The following IQSEC1 variants were observed in gnomAD, a reference collection of about 807,000 sequenced individuals.
IQSEC1 encodes IQ motif and Sec7 domain ArfGEF 1.
A neutral mutation model predicts 91.0 loss-of-function variants in IQSEC1; 31 were observed. That is an observed-to-expected ratio of 0.34 (90% confidence interval 0.26 to 0.46). The LOEUF is 0.46. Ranked by LOEUF, IQSEC1 falls within the 20% of genes least tolerant of loss-of-function variation. The pLI is 1.00. For synonymous variants in IQSEC1, 699 were observed against 662.6 expected, an observed-to-expected ratio of 1.05 and a Z score of -0.84; for missense variants, 1,388 against 1,575.6, an observed-to-expected ratio of 0.88 and a Z score of 2.02.
chr3:13,073,613 C>T (rs760398719), upstream of IQSEC1, among the ~76,000 whole-genome samples: 137 of 152,250 alleles, frequency 9.0e-4, no homozygotes, highest in Non-Finnish European at 1.7e-3. Context: ...GCGCCGGCCC[C>T]TTCCTGGCCC....
At chr3:13,097,948 T>G (rs1050468071) in intron 2 of IQSEC1, among the ~76,000 whole-genome samples, 2 of 152,232 alleles carry the variant, frequency 1.3e-5, no homozygotes, top group African/African-American at 4.8e-5. Flanking sequence ...CCCTGGACAC[T>G]TAAAGCCCTG....
intron 1 of IQSEC1, among the ~76,000 whole-genome samples, chr3:12,944,070 G>C (rs1286611993): frequency 3.3e-5 from 5 of 152,168 alleles, no homozygotes; most frequent in Non-Finnish European, 5.9e-5. Flanking sequence ...TGAGAATCAG[G>C]GCAGGCTGCC....
chr3:12,974,267 G>C (rs1184757283), intron 1 of IQSEC1, among the ~76,000 whole-genome samples: 1 of 152,162 alleles, frequency 6.6e-6, no homozygotes, highest in Non-Finnish European at 1.5e-5. Context: ...CCTCCAAGAA[G>C]CCCTCCAAGC....
intron 1 of IQSEC1, among the ~76,000 whole-genome samples, chr3:13,034,629 G>C (rs1318586601): frequency 6.6e-6 from 1 of 152,186 alleles, no homozygotes; most frequent in Admixed American, 6.5e-5. Context: ...CAGGCAGCCC[G>C]TGACTCGCAC....
intron 1 of IQSEC1, among the ~76,000 whole-genome samples, chr3:13,070,758 G>A (rs1280914736): frequency 1.3e-5 from 2 of 152,210 alleles, no homozygotes; most frequent in Non-Finnish European, 2.9e-5. Context: ...CTGAGAGCTG[G>A]AGAAGAGTGA....
intron 1 of IQSEC1, among the ~76,000 whole-genome samples, chr3:13,072,128 GCT>G (rs1705453279): frequency 6.6e-6 from 1 of 152,250 alleles, no homozygotes; most frequent in African/African-American, 2.4e-5. Flanking sequence ...ACTCAGCCAT[GCT>G]CTCTAACCTC....
At chr3:13,139,038 T>C (rs988002435) in intron 2 of IQSEC1, among the ~76,000 whole-genome samples, 1 of 151,986 alleles carries the variant, frequency 6.6e-6, no homozygotes, top group African/African-American at 2.4e-5. Context: ...ATGGGAATGA[T>C]AGTAGCATCA....
chr3:13,015,483 C>T, intron 1 of IQSEC1: 2 of 835,144 alleles, frequency 2.4e-6, no homozygotes, highest in Non-Finnish European at 2.9e-6. Flanking sequence ...CCCCAAGACC[C>T]TCACCACGGC....
chr3:13,131,139 CT>C (rs1706609256), intron 2 of IQSEC1, among the ~76,000 whole-genome samples: 2 of 151,930 alleles, frequency 1.3e-5, no homozygotes, highest in South Asian at 4.1e-4. Flanking sequence ...TCAATTTTGC[CT>C]TCATGTATTT....
chr3:13,254,046 C>T (rs1288585639), intron 1 of IQSEC1, among the ~76,000 whole-genome samples: 1 of 152,262 alleles, frequency 6.6e-6, no homozygotes, highest in African/African-American at 2.4e-5. Context: ...CCTGCCTCCA[C>T]TGTCGCATCT....
rs750977357 is a variant in IQSEC1, at chr3:12,898,247, T to G, written c.*2736A>C. On this transcript the variant is annotated 3_prime_UTR_variant, in exon 14 of 14. Coordinates refer to ENST00000613206, the MANE Select transcript of IQSEC1 (RefSeq NM_001134382.3). ...AAGACACACGGGGACACCAGCTCAC[T>G]GGGAGCTTTTGCTTTCCCAAACAAG... 1.3e-5 allele frequency: 2 copies of G among 152,292 alleles called. No homozygotes were observed. The highest frequency in any genetic ancestry group is 2.9e-5 in the Non-Finnish European group (2 of 68,060). 9.4% of individuals were successfully genotyped at this position (152,292 alleles called of 1,614,324 possible).
chr3:12,900,787 A>AAGAAATGAAAT lies in IQSEC1; in HGVS notation c.*185_*195dup. The AAGAAATGAAAT allele has an allele frequency of 2.1e-6, 3 of 1,447,372 alleles. No homozygotes were observed. The highest frequency in any genetic ancestry group is 2.7e-6 in the Non-Finnish European group (3 of 1,104,990). The allele number at this position is 1,447,372 out of a possible 1,614,324, so 89.7% of individuals were successfully genotyped here. Reference sequence around the variant, plus strand: ...GGTGAGCAGAGCCCAGGGTGCCAACAAGAAATGAAATCTGGGCCTTTGTTC... The same window carrying AAGAAATGAAAT: ...GGTGAGCAGAGCCCAGGGTGCCAACAAGAAATGAAATAGAAATGAAATCTGGGCCTTTGTTC... On this transcript the variant is annotated 3_prime_UTR_variant, in exon 14 of 14. Coordinates refer to ENST00000613206, the MANE Select transcript of IQSEC1 (RefSeq NM_001134382.3).
chr3:13,124,267 G>T (rs530632940), intron 2 of IQSEC1, among the ~76,000 whole-genome samples: 3 of 152,158 alleles, frequency 2.0e-5, no homozygotes, highest in South Asian at 2.1e-4. Flanking sequence ...AATGGCTGGG[G>T]GGACCCAGCT....
chr3:13,186,930 G>A (rs1693944018), intron 1 of IQSEC1, among the ~76,000 whole-genome samples: 1 of 152,078 alleles, frequency 6.6e-6, no homozygotes, highest in African/African-American at 2.4e-5. Flanking sequence ...AGAGCACACT[G>A]TCTGCCCTTC....
chr3:13,090,491 A>G (rs1422480540), intron 2 of IQSEC1, among the ~76,000 whole-genome samples: 2 of 152,226 alleles, frequency 1.3e-5, no homozygotes, highest in Non-Finnish European at 2.9e-5. Context: ...GCACACCCCC[A>G]TCCCGTGTTG....
chr3:12,938,224 A>G (rs1698401598), intron 2 of IQSEC1, among the ~76,000 whole-genome samples: 1 of 152,244 alleles, frequency 6.6e-6, no homozygotes, highest in African/African-American at 2.4e-5. Context: ...CATGCTGGGC[A>G]TCACATCACA....
rs1470388351 is a variant in IQSEC1 at position 12,909,144 on chromosome 3, T to C, written c.2578+129A>G. The C allele has an allele frequency of 1.2e-5, 12 of 988,142 alleles. No individual in the cohort carries two copies. In the African/African-American group the frequency reaches 1.6e-4, roughly 13 times the overall value. The allele number at this position is 988,142 out of a possible 1,614,324, so 61.2% of individuals were successfully genotyped here. A position where few individuals can be genotyped will look rare whatever the true frequency, so the allele number is the denominator to read the frequency against. On this transcript the variant is annotated intron_variant, in intron 11 of 13. Transcript: ENST00000613206. The surrounding 1 kb of genome is among the most constrained non-coding windows in gnomAD (Gnocchi z 4.9). ...CACAGACTGCCCCATCATGTGGCCA[T>C]AGGGAAGGCCAGAAAAGACTGGGGG...
intron 1 of IQSEC1, among the ~76,000 whole-genome samples, chr3:13,234,867 A>ATC (rs969817213): frequency 6.6e-6 from 1 of 152,098 alleles, no homozygotes; most frequent in Non-Finnish European, 1.5e-5. Context: ...AAGCTAATAA[A>ATC]TCTCTCTCTC....
chr3:13,204,806 T>C (rs1229353937), intron 1 of IQSEC1, among the ~76,000 whole-genome samples: 1 of 111,306 alleles, frequency 9.0e-6, no homozygotes, highest in Non-Finnish European at 1.9e-5. Flanking sequence ...TCTTTCTTTC[T>C]TTTTTTTTTT....
Sources: gnomAD v4.1 joint callset for allele counts (sites outside exome capture counted in the v4.1 genomes callset) on GRCh38, gnomAD v4.1.1 for gene constraint, Gnocchi (gnomAD v3.1) non-coding constraint, MANE v1.5 for transcripts, NCBI Gene and HGNC (gene_info 2026-07-23, HGNC 2026-07-21) for gene names.